SLC31A2: variants seen among roughly 807,000 people sequenced by gnomAD.
SLC31A2 encodes protein SLC31A2.
In SLC31A2, 16 loss-of-function variants were observed where a neutral mutation model predicts 14.4. The ratio of observed to expected loss-of-function variants is 1.11; its 90% CI spans 0.75 to 1.69. The LOEUF is 1.69. SLC31A2 is among the 40% of genes most tolerant of loss of function. The pLI is 0.00. For missense variants in SLC31A2, 140 were observed against 173.9 expected (o/e 0.81, Z 1.10); for synonymous variants, 56 against 68.7 (o/e 0.82, Z 0.91).
chr9:113,157,920 G>C lies in SLC31A2; in HGVS notation c.73+127G>C, dbSNP rs116278743. The C allele has an allele frequency of 2.6e-4, 196 of 741,212 alleles. No homozygotes were observed. The African/African-American group carries it at 3.2e-3, about 12-fold the overall frequency. The allele number at this position is 741,212 out of a possible 1,614,324, so 45.9% of individuals were successfully genotyped here. ...CTGATTCCTCTGGCATAAACACTGA[G>C]CAGGAACTTCACAGTTATAATTCCA... On this transcript the variant is annotated intron_variant, in intron 2 of 3. Transcript: ENST00000259392.
At chr9:113,161,771 A>T in intron 3 of SLC31A2, 73 bp downstream of exon 3, 1 of 1,519,352 alleles carries the variant, frequency 6.6e-7, no homozygotes, top group Non-Finnish European at 9.1e-7. Context: ...CCCAGACAGC[A>T]TTAGCCCCAC....
chr9:113,160,783 C>T (rs1016728081), intron 2 of SLC31A2, among the ~76,000 whole-genome samples: 18 of 152,158 alleles, frequency 1.2e-4, no homozygotes, highest in Admixed American at 9.2e-4. Flanking sequence ...GAGCCTCAGC[C>T]ATCAGTCATC....
At chr9:113,157,873 C>T (rs1460281602) in intron 2 of SLC31A2, 80 bp downstream of exon 2, 2 of 1,070,024 alleles carry the variant, frequency 1.9e-6, no homozygotes, top group Non-Finnish European at 1.4e-6. Context: ...TCTCTTGATT[C>T]TCTGTGGGCA....
intron 2 of SLC31A2, chr9:113,158,088 G>A (rs1302238503): frequency 1.9e-6 from 1 of 518,254 alleles, no homozygotes; most frequent in South Asian, 1.5e-5. Context: ...ACTCGTGCAG[G>A]GTCACACAGT....
In SLC31A2 at chr9:113,155,884, A is replaced by G. The variant is rs565616119; in HGVS notation, c.7-1843A>G. On this transcript the variant is annotated intron_variant, in intron 1 of 3. Transcript: ENST00000259392. ...CCCTCGGAGGAAACTGAGGCCAGAG[A>G]GAGGCCCTGGTTAACAAATGTGTTT... 7.2e-5 allele frequency: 23 copies of G among 320,632 alleles called. No homozygotes were observed. In the East Asian group the frequency reaches 1.7e-3, roughly 24 times the overall value. 19.9% of individuals were successfully genotyped at this position (320,632 alleles called of 1,614,324 possible).
At position 113,162,572 on chromosome 9, in the gene SLC31A2, G is replaced by GTT. The variant is rs528723139; in HGVS notation, c.264-172_264-171dup. On this transcript the variant is annotated intron_variant, in intron 3 of 3. Transcript: ENST00000259392. ...ATGTCTCTTTAAAAATAAATCTCGA[G>GTT]TTTTTTCTGGGGGCGGGGGTGGGAG... is the stretch of plus-strand genomic sequence containing the variant. 24 of 457,742 alleles carry GTT rather than the reference G, an allele frequency of 5.2e-5. No homozygotes were observed. In the Admixed American group the frequency reaches 1.1e-3, roughly 21 times the overall value. 28.4% of individuals were successfully genotyped at this position (457,742 alleles called of 1,614,324 possible).
intron 1 of SLC31A2, among the ~76,000 whole-genome samples, chr9:113,154,525 T>G (rs866662299): frequency 6.6e-5 from 10 of 152,258 alleles, no homozygotes; most frequent in Admixed American, 3.9e-4. Context: ...CCCTGTCTCC[T>G]GTGGCTCTGA....
At chr9:113,161,937 G>A (rs1453469002) in intron 3 of SLC31A2, 9 of 623,036 alleles carry the variant, frequency 1.4e-5, no homozygotes, top group East Asian at 9.2e-5. Context: ...TTTCTTTAGG[G>A]AACAGTGATC....
intron 1 of SLC31A2, among the ~76,000 whole-genome samples, chr9:113,153,975 ATTG>A (rs1301392581): frequency 2.6e-5 from 4 of 151,774 alleles, no homozygotes; most frequent in African/African-American, 9.7e-5. Flanking sequence ...ACTCACTGTT[ATTG>A]TTGTTGTTTT....
Position 113,151,143 on chromosome 9 carries a change from A to G in SLC31A2, c.6+63A>G. On this transcript the variant is annotated intron_variant, in intron 1 of 3. Coordinates refer to ENST00000259392, the MANE Select transcript of SLC31A2 (RefSeq NM_001860.3). The surrounding 1 kb of genome is among the most constrained non-coding windows in gnomAD (Gnocchi z 4.2). ...TGGGGCGGGGTCTCCTGGAGCTGCC[A>G]TCTCGGCACCCCGAATCCTCGCTGC... 1.6e-6 allele frequency: 2 copies of G among 1,275,222 alleles called. No homozygotes were observed. The highest frequency in any genetic ancestry group is 2.0e-6 in the Non-Finnish European group (2 of 1,001,960). The allele number at this position is 1,275,222 out of a possible 1,614,324, so 79.0% of individuals were successfully genotyped here. A position where few individuals can be genotyped will look rare whatever the true frequency, so the allele number is the denominator to read the frequency against.
rs774647169 is a variant in SLC31A2 at position 113,161,614 on chromosome 9, C to T, written c.179C>T (p.Thr60Ile). ...LLNQVLVNLPTSISQQTIAET... is the reference protein window; with the variant it reads ...LLNQVLVNLPISISQQTIAET... ...AACCAGGTACTGGTGAACCTGCCAA[C>T]CTCCATCAGCCAGCAGACCATCGCA... The change falls in exon 3 of 4, where the codon ACC (threonine) becomes ATC (isoleucine). Residue 60 changes from threonine (T) to isoleucine (I), a missense_variant. Coordinates refer to ENST00000259392, the MANE Select transcript of SLC31A2 (RefSeq NM_001860.3). The T allele has an allele frequency of 1.2e-6, 2 of 1,614,044 alleles. No homozygotes were observed. The highest frequency in any genetic ancestry group is 1.7e-6 in the Non-Finnish European group (2 of 1,179,906).
chr9:113,160,466 A>G (rs1346711436), intron 2 of SLC31A2, among the ~76,000 whole-genome samples: 1 of 152,238 alleles, frequency 6.6e-6, no homozygotes, highest in South Asian at 2.1e-4. Context: ...TGGGGTGTTT[A>G]TCACCTCAAA....
chr9:113,161,304 A>T, intron 2 of SLC31A2: 1 of 563,170 alleles, frequency 1.8e-6, no homozygotes, highest in Non-Finnish European at 3.1e-6. Flanking sequence ...TGGATTTTTC[A>T]GGTGGCTTCT....
In SLC31A2 at chr9:113,151,009, A is replaced by G; in HGVS notation, c.-66A>G. 1 of 1,288,886 alleles carries G rather than the reference A, an allele frequency of 7.8e-7. No individual in the cohort carries two copies. The highest frequency in any genetic ancestry group is 9.9e-7 in the Non-Finnish European group (1 of 1,014,154). 79.8% of individuals were successfully genotyped at this position (1,288,886 alleles called of 1,614,324 possible). ...CGGCGGCGGCGGCGGCGGCGGTTGA[A>G]CTGACTCGGAGCGAGGAGACCCGAG... On this transcript the variant is annotated 5_prime_UTR_variant, in exon 1 of 4. Transcript: ENST00000259392. This position sits in a 1 kb window ranked among gnomAD's most constrained non-coding sequence, Gnocchi z 4.2.
At position 113,161,812 on chromosome 9, in the gene SLC31A2, G is replaced by C. The variant is rs1830018495; in HGVS notation, c.263+114G>C. The C allele has an allele frequency of 3.3e-6, 4 of 1,216,096 alleles. No individual in the cohort carries two copies. In the African/African-American group the frequency reaches 5.9e-5, roughly 18 times the overall value. 75.3% of individuals were successfully genotyped at this position (1,216,096 alleles called of 1,614,324 possible). ...AGAGAGGACAGCGAGGCCCAGGGAAGGACCAGGACTTGCCAAAGTGGCTAC... is the reference window on the plus strand; with the variant it reads ...AGAGAGGACAGCGAGGCCCAGGGAACGACCAGGACTTGCCAAAGTGGCTAC... On this transcript the variant is annotated intron_variant, in intron 3 of 3. Transcript: ENST00000259392.
At chr9:113,161,285 C>G (rs1409141214) in intron 2 of SLC31A2, 1 of 545,270 alleles carries the variant, frequency 1.8e-6, no homozygotes, top group East Asian at 3.2e-5. Context: ...CTTCTTCACC[C>G]TCAGCCCCTG....
rs35913692 is a variant in SLC31A2 at position 113,163,668 on chromosome 9, C to CTGATTGAT, written c.*755_*756insTGATTGAT. Reference sequence around the variant, plus strand: ...TGCTTTCAGGCTCCTGGTTTATTCTCTGATAGACTGAGCTCCTTCCACCAG... The same window carrying CTGATTGAT: ...TGCTTTCAGGCTCCTGGTTTATTCTCTGATTGATTGATAGACTGAGCTCCTTCCACCAG... On this transcript the variant is annotated 3_prime_UTR_variant, in exon 4 of 4. Transcript: ENST00000259392. The CTGATTGAT allele has an allele frequency of 1.3e-5, 2 of 152,092 alleles. No homozygotes were observed. The highest frequency in any genetic ancestry group is 2.1e-4 in the South Asian group (1 of 4,826). 9.4% of individuals were successfully genotyped at this position (152,092 alleles called of 1,614,324 possible).
chr9:113,163,583 C>CTATT lies in SLC31A2; in HGVS notation c.*668_*671dup, dbSNP rs1830051088. On this transcript the variant is annotated 3_prime_UTR_variant, in exon 4 of 4. Transcript: ENST00000259392. ...GATGGATGGCAGAAACTGCTGAGACCTATTTCCCTTTCTTGGGGAGAGAAT... is the reference window on the plus strand; with the variant it reads ...GATGGATGGCAGAAACTGCTGAGACCTATTTATTTCCCTTTCTTGGGGAGAGAAT... 1 of 152,518 alleles carries CTATT rather than the reference C, an allele frequency of 6.6e-6. No homozygotes were observed. The highest frequency in any genetic ancestry group is 6.5e-5 in the Admixed American group (1 of 15,280). 9.4% of individuals were successfully genotyped at this position (152,518 alleles called of 1,614,324 possible).
At chr9:113,154,687 C>T (rs771294802) in intron 1 of SLC31A2, among the ~76,000 whole-genome samples, 5 of 152,186 alleles carry the variant, frequency 3.3e-5, no homozygotes, top group South Asian at 2.1e-4. Flanking sequence ...GTGATTCACC[C>T]GGGACTGACT....
Sources: allele counts gnomAD v4.1 joint callset (sites outside exome capture counted in the v4.1 genomes callset), GRCh38; gene constraint gnomAD v4.1.1; non-coding constraint Gnocchi (gnomAD v3.1); transcripts MANE v1.5; gene names NCBI Gene and HGNC (gene_info 2026-07-23, HGNC 2026-07-21).